RAB6A: variants seen among roughly 807,000 people sequenced by gnomAD.
RAB6A encodes the protein RAB6A, member RAS oncogene family.
A neutral mutation model predicts 32.3 loss-of-function variants in RAB6A; 8 were observed. The observed-to-expected ratio is 0.25, with a 90% confidence interval of 0.15 to 0.45. RAB6A has a LOEUF of 0.45. RAB6A is among the 20% of genes least tolerant of loss of function. The pLI, the probability that RAB6A is intolerant of heterozygous loss-of-function variation, is 1.00. For missense variants in RAB6A, 104 were observed against 249.4 expected (o/e 0.42, Z 3.93); for synonymous variants, 73 against 82.1 (o/e 0.89, Z 0.60).
At chr11:73,753,682 G>C (rs1223896170) in intron 1 of RAB6A, among the ~76,000 whole-genome samples, 3 of 151,804 alleles carry the variant, frequency 2.0e-5, no homozygotes, top group Admixed American at 6.6e-5. Context: ...CTGCACTCCA[G>C]CCTCGGTGAC....
chr11:73,689,321 A>T (rs1262051447), intron 6 of RAB6A, among the ~76,000 whole-genome samples: 2 of 152,138 alleles, frequency 1.3e-5, no homozygotes, highest in Non-Finnish European at 1.5e-5. Flanking sequence ...GGAGTGTGCA[A>T]CCTAGATCCC....
intron 1 of RAB6A, among the ~76,000 whole-genome samples, chr11:73,757,129 A>ATATATATT (rs1555070136): frequency 4.6e-4 from 14 of 30,350 alleles, no homozygotes; most frequent in African/African-American, 1.5e-3. Context: ...ATATATATAT[A>ATATATATT]TTTTTTTTTT....
chr11:73,724,532 C>A (rs1946188158), intron 2 of RAB6A, among the ~76,000 whole-genome samples: 1 of 144,318 alleles, frequency 6.9e-6, no homozygotes, highest in South Asian at 2.3e-4. Flanking sequence ...GTCACCCAGG[C>A]TGGAGTGCAG....
At chr11:73,702,468 A>T (rs75506968) in intron 6 of RAB6A, among the ~76,000 whole-genome samples, 255 of 152,280 alleles carry the variant, frequency 1.7e-3, no homozygotes, top group African/African-American at 5.8e-3. Flanking sequence ...CGCTGTGCCC[A>T]GCCAGGCTAT....
At chr11:73,738,827 C>T (rs914726589) in intron 1 of RAB6A, among the ~76,000 whole-genome samples, 3 of 151,278 alleles carry the variant, frequency 2.0e-5, no homozygotes, top group African/African-American at 7.3e-5. Flanking sequence ...ACCTGTAGTC[C>T]CAGTTACTTG....
chr11:73,742,880 TG>T (rs1946520730), intron 1 of RAB6A, among the ~76,000 whole-genome samples: 1 of 150,886 alleles, frequency 6.6e-6, no homozygotes, highest in South Asian at 2.1e-4. Context: ...AACTATTAAA[TG>T]CTAGGAAATA....
intron 2 of RAB6A, among the ~76,000 whole-genome samples, chr11:73,724,459 G>C (rs1590865463): frequency 6.7e-6 from 1 of 150,246 alleles, no homozygotes; most frequent in East Asian, 1.9e-4. Flanking sequence ...ATCATGCTAA[G>C]ATCATGTTTT....
rs1057036203 is a variant in RAB6A at position 73,681,371 on chromosome 11, A to T, written c.496-1651T>A. Among the ~76,000 whole-genome samples, 31 of 152,260 alleles carry T rather than the reference A, an allele frequency of 2.0e-4. 2 individuals are homozygous for T. The highest frequency in any genetic ancestry group is 1.5e-5 in the Non-Finnish European group (1 of 68,050). Reference sequence around the variant, plus strand: ...AGGTAACATCTGAGTTGAGATTTAAAGGCAGTCTTAAAACCTCACTTGGCT... The same window carrying T: ...AGGTAACATCTGAGTTGAGATTTAATGGCAGTCTTAAAACCTCACTTGGCT... On this transcript the variant is annotated intron_variant, in intron 6 of 7. Coordinates refer to ENST00000336083, the MANE Select transcript of RAB6A (RefSeq NM_198896.2).
chr11:73,700,620 G>C lies in RAB6A; in HGVS notation c.495+6800C>G, dbSNP rs550207678. Among the ~76,000 whole-genome samples the C allele has an allele frequency of 4.0e-3, 512 of 126,952 alleles. 17 individuals are homozygous for C. Among genetic ancestry groups the C allele is most frequent in the Non-Finnish European group, 7.0e-3 (424 of 60,338 alleles). The allele number at this position is 126,952 out of a possible 152,430, so 83.3% of individuals were successfully genotyped here. On this transcript the variant is annotated intron_variant, in intron 6 of 7. Coordinates refer to ENST00000336083, the MANE Select transcript of RAB6A (RefSeq NM_198896.2). ...AAAAAGTGTGTGTGTGGGGGGGGGG[G>C]GGGGAGGAGGGTAGTGGATGAGAAA...
chr11:73,689,040 T>C (rs1282798973), intron 6 of RAB6A, among the ~76,000 whole-genome samples: 2 of 152,106 alleles, frequency 1.3e-5, no homozygotes, highest in African/African-American at 2.4e-5. Context: ...GGAAGAGCAT[T>C]TGAGCCCAGA....
chr11:73,696,722 C>CA (rs1945661785), intron 6 of RAB6A, among the ~76,000 whole-genome samples: 2 of 151,958 alleles, frequency 1.3e-5, no homozygotes, highest in African/African-American at 4.8e-5. Flanking sequence ...CCTCCCACCT[C>CA]AGCCTCTGGA....
intron 1 of RAB6A, among the ~76,000 whole-genome samples, chr11:73,736,506 T>C (rs919628011): frequency 6.6e-6 from 1 of 151,448 alleles, no homozygotes; most frequent in African/African-American, 2.4e-5. Context: ...ACAAGTACAG[T>C]TGGCCAGGCG....
chr11:73,723,635 A>G (rs1946174886), intron 2 of RAB6A, among the ~76,000 whole-genome samples: 1 of 152,150 alleles, frequency 6.6e-6, no homozygotes, highest in Non-Finnish European at 1.5e-5. Context: ...GGCCGAAAGA[A>G]ATATTTATTG....
intron 2 of RAB6A, chr11:73,722,305 G>GTGTGCATATATA (rs1238666420): frequency 2.4e-5 from 1 of 42,368 alleles, no homozygotes; most frequent in African/African-American, 9.9e-5. Flanking sequence ...ATGTGTGTGT[G>GTGTGCATATATA]TATATATATA....
At chr11:73,737,357 C>T (rs1248419051) in intron 1 of RAB6A, among the ~76,000 whole-genome samples, 1 of 151,958 alleles carries the variant, frequency 6.6e-6, no homozygotes, top group Non-Finnish European at 1.5e-5. Context: ...TGGTGGCATG[C>T]ACCTGTAGTC....
Position 73,696,291 on chromosome 11 carries a change from G to A in RAB6A, c.495+11129C>T, listed in dbSNP as rs140428068. ...CGGCTCACTGCAACCTCTGCCTCCT[G>A]GGTTCAGGCAATTCTCCTGCCTCGA... is the stretch of plus-strand genomic sequence containing the variant. On this transcript the variant is annotated intron_variant, in intron 6 of 7. Transcript: ENST00000336083. Among the ~76,000 whole-genome samples, 7 of 152,182 alleles carry A rather than the reference G, an allele frequency of 4.6e-5. No homozygotes were observed. The East Asian group carries it at 1.4e-3, about 29-fold the overall frequency.
At chr11:73,696,414 G>C (rs138034273) in intron 6 of RAB6A, among the ~76,000 whole-genome samples, 180 of 152,032 alleles carry the variant, frequency 1.2e-3, no homozygotes, top group African/African-American at 4.2e-3. Flanking sequence ...GGCTGGTCTC[G>C]AACTCCTGAC....
chr11:73,737,283 G>C (rs1239454006), intron 1 of RAB6A, among the ~76,000 whole-genome samples: 6 of 151,994 alleles, frequency 3.9e-5, no homozygotes, highest in Non-Finnish European at 7.4e-5. Context: ...ACAGGAGTTC[G>C]AGATCAGCCT....
chr11:73,711,189 CCTCTACCATG>C (rs1945952667), intron 5 of RAB6A, among the ~76,000 whole-genome samples: 1 of 152,180 alleles, frequency 6.6e-6, no homozygotes, highest in Non-Finnish European at 1.5e-5. Context: ...GTATCCTCTA[CCTCTACCATG>C]CTCTGCCTCT....
Sources: gnomAD v4.1 joint callset for allele counts (sites outside exome capture counted in the v4.1 genomes callset) on GRCh38, gnomAD v4.1.1 for gene constraint, MANE v1.5 for transcripts, NCBI Gene and HGNC (gene_info 2026-07-23, HGNC 2026-07-21) for gene names.